CLEC16A: variants seen among roughly 807,000 people sequenced by gnomAD.
CLEC16A encodes C-type lectin domain containing 16A.
In CLEC16A, 51 loss-of-function variants were observed where a neutral mutation model predicts 109.5. That is an observed-to-expected ratio of 0.47 (90% CI 0.37 to 0.59). The LOEUF is 0.59. Among genes scored for constraint, CLEC16A ranks in the 20% least tolerant of loss-of-function variants. CLEC16A has a pLI of 0.00. For missense variants in CLEC16A, 1,339 were observed against 1,394.0 expected, an observed-to-expected ratio of 0.96 and a Z score of 0.63; for synonymous variants, 673 against 564.2, an observed-to-expected ratio of 1.19 and a Z score of -2.73.
chr16:11,144,345 C>G lies in CLEC16A; in HGVS notation c.2641+18199C>G, dbSNP rs78436495. 4.2e-3 allele frequency among the ~76,000 whole-genome samples: 644 copies of G among 152,324 alleles called. 4 individuals are homozygous for G. Among genetic ancestry groups the G allele is most frequent in the Middle Eastern group, 0.02 (6 of 294 alleles). ...GAGGCCTGCTCAGCTCAGCATAGCC[C>G]TTGGGTCAGCTCTTTGCTCCTCCAG... On this transcript the variant is annotated intron_variant, in intron 22 of 23. Transcript: ENST00000409790.
At chr16:11,122,247 A>G (rs988796470) in intron 20 of CLEC16A, among the ~76,000 whole-genome samples, 3 of 152,234 alleles carry the variant, frequency 2.0e-5, no homozygotes, top group Admixed American at 6.5e-5. Flanking sequence ...GGATCTTTCT[A>G]TTGTAAAAGT....
chr16:11,144,874 C>T (rs149186073), intron 22 of CLEC16A, among the ~76,000 whole-genome samples: 30 of 152,208 alleles, frequency 2.0e-4, no homozygotes, highest in African/African-American at 6.5e-4. Flanking sequence ...CCTTGGGGGA[C>T]GGCTGTGCTA....
intron 10 of CLEC16A, among the ~76,000 whole-genome samples, chr16:10,986,012 A>ATTTTTT (rs59547466): frequency 0.02 from 887 of 43,450 alleles, 228 homozygotes; most frequent in Non-Finnish European, 0.026. Flanking sequence ...GGCCTGCAGA[A>ATTTTTT]TTTTTTTTTT....
intron 22 of CLEC16A, among the ~76,000 whole-genome samples, chr16:11,139,512 G>C (rs2053725116): frequency 6.6e-6 from 1 of 152,078 alleles, no homozygotes; most frequent in South Asian, 2.1e-4. Context: ...AGTGTGATAG[G>C]AATGGCTGTT....
At chr16:11,057,335 C>T (rs1459432799) in intron 18 of CLEC16A, among the ~76,000 whole-genome samples, 2 of 152,246 alleles carry the variant, frequency 1.3e-5, no homozygotes, top group Non-Finnish European at 2.9e-5. Context: ...TTGTTCCAGG[C>T]CAGCTCGTGG....
rs1165874273 is a variant in CLEC16A at position 11,135,714 on chromosome 16, G to C, written c.2641+9568G>C. Among the ~76,000 whole-genome samples, 3 of 152,376 alleles carry C rather than the reference G, an allele frequency of 2.0e-5. No homozygotes were observed. In the East Asian group the frequency reaches 5.8e-4, roughly 29 times the overall value. ...AGAGAACAAACCCCATATGCAATCT[G>C]CCATTTGACCTGGGCCATGCCTTAG... On this transcript the variant is annotated intron_variant, in intron 22 of 23. Coordinates refer to ENST00000409790, the MANE Select transcript of CLEC16A (RefSeq NM_015226.3).
At chr16:11,118,353 A>G (rs747059373) in intron 19 of CLEC16A, among the ~76,000 whole-genome samples, 1 of 131,770 alleles carries the variant, frequency 7.6e-6, no homozygotes, top group African/African-American at 3.2e-5. Context: ...TAACGCACCA[A>G]ACAATTCAAG....
In CLEC16A at chr16:11,120,703, T is replaced by C; in HGVS notation, c.2205T>C (p.Ser735=). 1 of 1,609,376 alleles carries C rather than the reference T, an allele frequency of 6.2e-7. No individual in the cohort carries two copies. Among genetic ancestry groups the C allele is most frequent in the Non-Finnish European group, 8.5e-7 (1 of 1,177,932 alleles). Residue 735 remains serine, a synonymous_variant, in exon 20 of 24, where the codon AGT becomes AGC. Transcript: ENST00000409790. The part of the protein sequence containing the change: ...RFLAVDIYQM[S]LVEPDVSRLG... Reference sequence around the variant, plus strand: ...TGGCTGTGGATATTTACCAGATGAGTTTGGTGGAGCCTGATGTGTCCAGGC... The same window carrying C: ...TGGCTGTGGATATTTACCAGATGAGCTTGGTGGAGCCTGATGTGTCCAGGC...
At chr16:11,126,426 C>G in intron 22 of CLEC16A, 2 of 1,400,960 alleles carry the variant, frequency 1.4e-6, no homozygotes, top group Non-Finnish European at 1.9e-6. Context: ...TTGGAAATTT[C>G]TTGGAAACAT....
At chr16:10,971,416 G>A in intron 5 of CLEC16A, 186 bp downstream of exon 5, 1 of 465,874 alleles carries the variant, frequency 2.1e-6, no homozygotes, top group Non-Finnish European at 2.8e-6. Flanking sequence ...GGAAATCCTT[G>A]CCTTCTCCAG....
At chr16:11,141,888 G>A (rs1375931827) in intron 22 of CLEC16A, among the ~76,000 whole-genome samples, 1 of 152,216 alleles carries the variant, frequency 6.6e-6, no homozygotes, top group Admixed American at 6.5e-5. Flanking sequence ...AGCGTAGTGA[G>A]GTGGGAGAGG....
chr16:11,117,607 C>G (rs778137622), intron 19 of CLEC16A, among the ~76,000 whole-genome samples: 4 of 151,950 alleles, frequency 2.6e-5, no homozygotes, highest in African/African-American at 4.8e-5. Flanking sequence ...AAATAATGTC[C>G]CAGTAGAGTG....
In CLEC16A at chr16:11,158,985, T is replaced by G. The variant is rs1245208769; in HGVS notation, c.2642-7403T>G. The stretch of plus-strand genomic sequence containing the variant: ...GCATACAAACGGCTCACAAGATAGA[T>G]GGCCTGGCTTCGCTGGCTTGGGGTT... On this transcript the variant is annotated intron_variant, in intron 22 of 23. Transcript: ENST00000409790. Among the ~76,000 whole-genome samples, 4 of 151,622 alleles carry G rather than the reference T, an allele frequency of 2.6e-5. No homozygotes were observed. In the East Asian group the frequency reaches 7.8e-4, roughly 29 times the overall value.
chr16:11,077,155 G>A (rs1252046777), intron 19 of CLEC16A, among the ~76,000 whole-genome samples: 1 of 150,840 alleles, frequency 6.6e-6, no homozygotes, highest in Non-Finnish European at 1.5e-5. Flanking sequence ...GACCAGCCGA[G>A]GCAACATGGA....
intron 19 of CLEC16A, among the ~76,000 whole-genome samples, chr16:11,062,615 C>G (rs963404101): frequency 6.6e-6 from 1 of 152,262 alleles, no homozygotes; most frequent in South Asian, 2.1e-4. Flanking sequence ...CATAGCATGC[C>G]GCCTGACACG....
rs757662257 is a variant in CLEC16A at position 11,125,972 on chromosome 16, A to ACC, written c.2474-6_2474-5dup. ...TCAGAGTGAACCATGCTATTGTTTG[A>ACC]CCGTAGCCCTCCTGGACCTCCCAAT... On this transcript the variant is annotated splice_region_variant and splice_polypyrimidine_tract_variant and intron_variant, in intron 21 of 23. Transcript: ENST00000409790. 2.8e-6 allele frequency: 4 copies of ACC among 1,439,634 alleles called. No homozygotes were observed. In the South Asian group the frequency reaches 4.5e-5, roughly 16 times the overall value. 89.2% of individuals were successfully genotyped at this position (1,439,634 alleles called of 1,614,324 possible).
chr16:11,058,271 C>T (rs1426444942), intron 18 of CLEC16A, among the ~76,000 whole-genome samples: 2 of 152,196 alleles, frequency 1.3e-5, no homozygotes, highest in Non-Finnish European at 2.9e-5. Context: ...ATACAGTCAT[C>T]CCTCGGTATC....
chr16:11,083,163 G>C (rs1231745906), intron 19 of CLEC16A, among the ~76,000 whole-genome samples: 1 of 151,986 alleles, frequency 6.6e-6, no homozygotes, highest in Admixed American at 6.6e-5. Flanking sequence ...TTGTTTGTTT[G>C]TTTGTTTGTT....
intron 1 of CLEC16A, among the ~76,000 whole-genome samples, chr16:10,951,162 GTT>G: frequency 6.6e-6 from 1 of 152,134 alleles, no homozygotes; most frequent in East Asian, 1.9e-4. Flanking sequence ...GAGTGTGTTG[GTT>G]ACAGTTTCTC....
Sources: allele counts gnomAD v4.1 joint callset (sites outside exome capture counted in the v4.1 genomes callset), GRCh38; gene constraint gnomAD v4.1.1; transcripts MANE v1.5; gene names NCBI Gene and HGNC (gene_info 2026-07-23, HGNC 2026-07-21).